The following GLIS3 variants were observed in gnomAD, a reference collection of about 807,000 sequenced individuals.
The protein encoded by GLIS3 is zinc finger protein GLIS3.
GLIS3 carries 53 observed loss-of-function variants against 78.6 expected under a neutral mutation model. The ratio of observed to expected loss-of-function variants is 0.67; its 90% confidence interval spans 0.54 to 0.85. The LOEUF (loss-of-function observed/expected upper bound fraction) is 0.85. Among genes scored for constraint, GLIS3 ranks in the 40% least tolerant of loss-of-function variants. The pLI is 0.00. For synonymous variants in GLIS3, 684 were observed against 509.9 expected, an observed-to-expected ratio of 1.34 and a Z score of -4.60; for missense variants, 1,703 against 1,231.1, an observed-to-expected ratio of 1.38 and a Z score of -5.74.
chr9:4,421,832 C>T, the GLIS3 span, among the ~76,000 whole-genome samples: 4 of 152,272 alleles, frequency 2.6e-5, no homozygotes, highest in South Asian at 4.1e-4. Context: ...TATTCTACTG[C>T]GGGAATTCTT....
intron 6 of GLIS3, among the ~76,000 whole-genome samples, chr9:3,924,375 C>A (rs407850): frequency 0.98 from 149,045 of 152,304 alleles, 73,010 homozygotes; most frequent in East Asian, 1. Flanking sequence ...AGCTAGTTGC[C>A]AAGAAGGGAA....
chr9:4,286,502 A>C lies in GLIS3; in HGVS notation c.-77T>G, dbSNP rs1409109571. On this transcript the variant is annotated 5_prime_UTR_variant, in exon 2 of 11. Coordinates refer to ENST00000381971, the MANE Select transcript of GLIS3 (RefSeq NM_001042413.2). ...CCTTTCAGGCAAAGTCCAATAAGTT[A>C]TCCATGGTGTGGGTTATAAGCCTGT... 6.4e-7 allele frequency: 1 copy of C among 1,553,448 alleles called. No individual in the cohort carries two copies. Among genetic ancestry groups the C allele is most frequent in the Non-Finnish European group, 8.8e-7 (1 of 1,134,162 alleles).
At chr9:4,152,723 C>T (rs970699994) in intron 2 of GLIS3, among the ~76,000 whole-genome samples, 6 of 151,994 alleles carry the variant, frequency 3.9e-5, no homozygotes, top group South Asian at 4.2e-4. Flanking sequence ...GGTGACAAGA[C>T]GCAATGTAAA....
chr9:3,943,569 T>C (rs930288383), intron 4 of GLIS3, among the ~76,000 whole-genome samples: 6 of 152,254 alleles, frequency 3.9e-5, no homozygotes, highest in African/African-American at 1.4e-4. Context: ...TTTAGGGTTG[T>C]CCCTGGTTAA....
At chr9:4,146,083 G>T (rs1396839224) in intron 2 of GLIS3, among the ~76,000 whole-genome samples, 1 of 152,064 alleles carries the variant, frequency 6.6e-6, no homozygotes, top group Non-Finnish European at 1.5e-5. Flanking sequence ...TTGTTCTAAA[G>T]ATACTTTTTA....
At chr9:4,386,737 CATTTACTTGGCTCT>C in the GLIS3 span, among the ~76,000 whole-genome samples, 1 of 152,134 alleles carries the variant, frequency 6.6e-6, no homozygotes, top group African/African-American at 2.4e-5. Context: ...GTTACAAAGT[CATTTACTTGGCTCT>C]ATTCCCAATG....
intron 1 of GLIS3, among the ~76,000 whole-genome samples, chr9:4,288,394 A>G (rs1235475176): frequency 6.6e-6 from 1 of 152,212 alleles, no homozygotes; most frequent in Non-Finnish European, 1.5e-5. Context: ...ATTGTTCAAC[A>G]TGACTGGAAA....
intron 4 of GLIS3, among the ~76,000 whole-genome samples, chr9:3,962,267 T>G (rs539161572): frequency 1.2e-4 from 18 of 152,032 alleles, no homozygotes; most frequent in African/African-American, 4.3e-4. Context: ...AAAGAACTTT[T>G]GTTCTTTTCT....
intron 4 of GLIS3, among the ~76,000 whole-genome samples, chr9:4,094,046 G>A (rs1305865561): frequency 6.6e-6 from 1 of 151,960 alleles, no homozygotes; most frequent in Non-Finnish European, 1.5e-5. Context: ...CTGAACTCTG[G>A]GTTCTTCCAG....
intron 2 of GLIS3, among the ~76,000 whole-genome samples, chr9:4,257,110 C>G (rs1587179011): frequency 6.6e-6 from 1 of 152,140 alleles, no homozygotes; most frequent in East Asian, 1.9e-4. Flanking sequence ...TATACCACAA[C>G]TTCTTTATCC....
the GLIS3 span, among the ~76,000 whole-genome samples, chr9:4,371,618 C>T: frequency 3.9e-4 from 60 of 152,248 alleles, no homozygotes; most frequent in African/African-American, 1.4e-3. Flanking sequence ...CTGGGATCCA[C>T]TAGGTATAGG....
At chr9:3,873,879 T>G (rs531474423) in intron 8 of GLIS3, among the ~76,000 whole-genome samples, 3 of 152,188 alleles carry the variant, frequency 2.0e-5, no homozygotes, top group Non-Finnish European at 4.4e-5. Context: ...GTGATTTGAC[T>G]ACTGCTCAAA....
chr9:4,035,491 C>G (rs558639143), intron 4 of GLIS3, among the ~76,000 whole-genome samples: 20 of 151,950 alleles, frequency 1.3e-4, no homozygotes, highest in Admixed American at 1.2e-3. Context: ...TGGCCACATT[C>G]TTTAACTTTA....
At chr9:3,996,016 T>C (rs779270081) in intron 4 of GLIS3, among the ~76,000 whole-genome samples, 9 of 151,954 alleles carry the variant, frequency 5.9e-5, no homozygotes, top group East Asian at 1.9e-4. Flanking sequence ...AAAAAAAAGA[T>C]AAAAGGGTGA....
At chr9:3,989,120 C>T (rs935911121) in intron 4 of GLIS3, among the ~76,000 whole-genome samples, 1 of 152,098 alleles carries the variant, frequency 6.6e-6, no homozygotes, top group Non-Finnish European at 1.5e-5. Flanking sequence ...AGAGGATATA[C>T]AGACGGTAAA....
the GLIS3 span, among the ~76,000 whole-genome samples, chr9:4,458,859 C>A: frequency 9.8e-3 from 1,494 of 152,166 alleles, 18 homozygotes; most frequent in African/African-American, 0.033. Context: ...ACAGCAAATA[C>A]AAAGACTCTA....
intron 4 of GLIS3, among the ~76,000 whole-genome samples, chr9:4,005,907 C>G (rs529942632): frequency 6.6e-6 from 1 of 152,266 alleles, no homozygotes; most frequent in African/African-American, 2.4e-5. Context: ...CTTCAGTTGT[C>G]TGTTAGTCAT....
chr9:3,893,884 C>G (rs1822627897), intron 7 of GLIS3, among the ~76,000 whole-genome samples: 1 of 152,144 alleles, frequency 6.6e-6, no homozygotes, highest in South Asian at 2.1e-4. Context: ...AGGACTGGCT[C>G]AGGACTAGAG....
chr9:3,894,484 C>T (rs552137991), intron 7 of GLIS3, among the ~76,000 whole-genome samples: 2 of 152,044 alleles, frequency 1.3e-5, no homozygotes, highest in Non-Finnish European at 2.9e-5. Context: ...AAAACATGTA[C>T]CATAAAATTA....
Sources: allele counts gnomAD v4.1 joint callset (sites outside exome capture counted in the v4.1 genomes callset), GRCh38; gene constraint gnomAD v4.1.1; transcripts MANE v1.5; gene names NCBI Gene and HGNC (gene_info 2026-07-23, HGNC 2026-07-21).